The following SLAMF9 variants were observed in gnomAD, a reference collection of about 807,000 sequenced individuals.
SLAMF9 encodes SLAM family member 9.
Under a neutral mutation model 30.4 loss-of-function variants are expected in SLAMF9, and 25 were observed. That is an observed-to-expected ratio of 0.82 (90% CI 0.60 to 1.15). The LOEUF is 1.15. Among genes scored for constraint, SLAMF9 ranks in the 50% most tolerant of loss-of-function variants. The probability of loss-of-function intolerance (pLI) is 0.00; values close to 1 mark genes in which losing one functional copy is unlikely to be tolerated. For synonymous variants in SLAMF9, 129 were observed against 127.2 expected, an observed-to-expected ratio of 1.01 and a Z score of -0.09; for missense variants, 344 against 346.1, an observed-to-expected ratio of 0.99 and a Z score of 0.05.
the SLAMF9 span, among the ~76,000 whole-genome samples, chr1:159,970,150 T>A: frequency 6.6e-6 from 1 of 152,204 alleles, no homozygotes; most frequent in African/African-American, 2.4e-5. Flanking sequence ...CATATGCTCC[T>A]ATATGTAATC....
the SLAMF9 span, among the ~76,000 whole-genome samples, chr1:159,975,643 T>G: frequency 6.6e-6 from 1 of 151,516 alleles, no homozygotes; most frequent in Non-Finnish European, 1.5e-5. Flanking sequence ...TAAAGAATGA[T>G]CAGAACAGGG....
chr1:159,980,524 AT>A, the SLAMF9 span: 1 of 152,260 alleles, frequency 6.6e-6, no homozygotes. Context: ...GCTCAGCCCT[AT>A]TTAATGCTTA....
upstream of SLAMF9, among the ~76,000 whole-genome samples, chr1:159,958,813 C>A (rs1448427595): frequency 1.3e-5 from 2 of 152,054 alleles, no homozygotes; most frequent in Non-Finnish European, 2.9e-5. Context: ...AATAGAACTT[C>A]AATTTTTTTC....
At chr1:159,955,717 C>A (rs138588743), upstream of SLAMF9, among the ~76,000 whole-genome samples, 112 of 152,194 alleles carry the variant, frequency 7.4e-4, 1 homozygote, top group African/African-American at 2.7e-3. Flanking sequence ...ATTGAAGGAG[C>A]CTATAATAAG....
At chr1:159,981,782 G>A in the SLAMF9 span, among the ~76,000 whole-genome samples, 6 of 152,268 alleles carry the variant, frequency 3.9e-5, no homozygotes, top group Admixed American at 3.3e-4. Flanking sequence ...GAGGGTGCCA[G>A]AAACAGGGCT....
chr1:159,956,406 G>A (rs537274374), upstream of SLAMF9, among the ~76,000 whole-genome samples: 50 of 152,058 alleles, frequency 3.3e-4, no homozygotes, highest in Non-Finnish European at 6.6e-4. Context: ...GAGTTTGAGG[G>A]TGCAGTGAGC....
upstream of SLAMF9, among the ~76,000 whole-genome samples, chr1:159,957,032 G>C (rs35769623): frequency 0.026 from 3,592 of 140,188 alleles, 64 homozygotes; most frequent in South Asian, 0.071. Flanking sequence ...TGAGGCAGGA[G>C]AATGGCGTGA....
chr1:159,977,527 A>AT, the SLAMF9 span, among the ~76,000 whole-genome samples: 1 of 152,324 alleles, frequency 6.6e-6, no homozygotes, highest in Middle Eastern at 3.4e-3. Context: ...TTAGCTCCCT[A>AT]TAGGGCCAGT....
chr1:159,978,017 T>C, the SLAMF9 span, among the ~76,000 whole-genome samples: 2 of 152,094 alleles, frequency 1.3e-5, no homozygotes, highest in African/African-American at 4.8e-5. Flanking sequence ...GTGGCCTTTC[T>C]TCCTCCCTCT....
chr1:159,952,684 A>G, intron 2 of SLAMF9, 150 bp from the exon 3 acceptor site: 1 of 810,478 alleles, frequency 1.2e-6, no homozygotes, highest in Middle Eastern at 3.6e-4. Flanking sequence ...CCCAACCACC[A>G]TAAAACCTGT....
At chr1:159,982,758 C>T in the SLAMF9 span, among the ~76,000 whole-genome samples, 4 of 152,172 alleles carry the variant, frequency 2.6e-5, no homozygotes, top group Non-Finnish European at 5.9e-5. Context: ...TGGCTGGGCG[C>T]GGTGGCTCAC....
At chr1:159,974,543 C>A in the SLAMF9 span, among the ~76,000 whole-genome samples, 1 of 152,176 alleles carries the variant, frequency 6.6e-6, no homozygotes, top group Non-Finnish European at 1.5e-5. Context: ...ATTGAAGGAG[C>A]CTGATCTGGC....
the SLAMF9 span, among the ~76,000 whole-genome samples, chr1:159,969,259 TG>T: frequency 3.0e-5 from 4 of 135,510 alleles, no homozygotes; most frequent in African/African-American, 8.0e-5. Context: ...GATAGCTGCC[TG>T]GGGGGGATGG....
chr1:159,979,678 T>G, the SLAMF9 span, among the ~76,000 whole-genome samples: 1 of 152,140 alleles, frequency 6.6e-6, no homozygotes, highest in Non-Finnish European at 1.5e-5. Flanking sequence ...TTTTTTCACT[T>G]TAATTCAACT....
chr1:159,952,245 C>T lies in SLAMF9; in HGVS notation c.664+17G>A. On this transcript the variant is annotated intron_variant, in intron 3 of 3. Transcript: ENST00000368093. ...TATCTTTCATGAGCTCAGGGGGTGTCTCAGGGGTTCTGGTACCTGCATAGA... is the reference window on the plus strand; with the variant it reads ...TATCTTTCATGAGCTCAGGGGGTGTTTCAGGGGTTCTGGTACCTGCATAGA... 6.2e-7 allele frequency: 1 copy of T among 1,612,966 alleles called. No homozygotes were observed. Among genetic ancestry groups the T allele is most frequent in the Non-Finnish European group, 8.5e-7 (1 of 1,179,644 alleles).
Position 159,952,302 on chromosome 1 carries a change from G to T in SLAMF9, c.624C>A (p.Asn208Lys), listed in dbSNP as rs35541552. 2 of 1,613,974 alleles carry T rather than the reference G, an allele frequency of 1.2e-6. No homozygotes were observed. Among genetic ancestry groups the T allele is most frequent in the African/African-American group, 1.3e-5 (1 of 74,880 alleles). ...YTCRANNPIS[N>K]VSSCPIPDGP... ...CATCAGGGATGGGGCAAGAACTGAC[G>T]TTGCTGATGGGGTTGTTGGCTCTGC... is the stretch of plus-strand genomic sequence containing the variant. Residue 208 changes from asparagine (N) to lysine (K), a missense_variant, in exon 3 of 4, where the codon AAC (asparagine) becomes AAA (lysine). Physicochemically the swap from Asn to Lys is moderately conservative, Grantham distance 94. Coordinates refer to ENST00000368093, the MANE Select transcript of SLAMF9 (RefSeq NM_033438.4).
chr1:159,978,236 T>C, the SLAMF9 span, among the ~76,000 whole-genome samples: 43 of 152,092 alleles, frequency 2.8e-4, no homozygotes, highest in African/African-American at 9.9e-4. Context: ...ACAACCACCT[T>C]GTCCTCCAAG....
intron 1 of SLAMF9, 108 bp downstream of exon 1, chr1:159,953,984 C>G: frequency 1.5e-6 from 2 of 1,353,460 alleles, no homozygotes; most frequent in Non-Finnish European, 2.1e-6. Context: ...TCCAGAAGAG[C>G]TGACACATTC....
chr1:159,971,372 AGAAG>A, the SLAMF9 span, among the ~76,000 whole-genome samples: 2 of 152,130 alleles, frequency 1.3e-5, no homozygotes, highest in African/African-American at 2.4e-5. Context: ...CAAGCCAACA[AGAAG>A]GAAGGAAGGA....
Sources: gnomAD v4.1 joint callset for allele counts (sites outside exome capture counted in the v4.1 genomes callset) on GRCh38, gnomAD v4.1.1 for gene constraint, MANE v1.5 for transcripts, NCBI Gene and HGNC (gene_info 2026-07-23, HGNC 2026-07-21) for gene names.